COL23A1: variants seen among roughly 807,000 people sequenced by gnomAD.
The protein encoded by COL23A1 is collagen type XXIII alpha 1 chain.
Under a neutral mutation model 99.3 loss-of-function variants are expected in COL23A1, and 97 were observed. The observed-to-expected ratio is 0.98, with a 90% confidence interval of 0.83 to 1.16. The LOEUF (loss-of-function observed/expected upper bound fraction) is 1.16, where lower values mean the gene tolerates loss of function less well. Among genes scored for constraint, COL23A1 ranks in the 50% most tolerant of loss-of-function variants. The probability of loss-of-function intolerance (pLI) is 0.00; values close to 1 mark genes in which losing one functional copy is unlikely to be tolerated. For synonymous variants in COL23A1, 320 were observed against 308.2 expected, an observed-to-expected ratio of 1.04 and a Z score of -0.40; for missense variants, 762 against 757.4, an observed-to-expected ratio of 1.01 and a Z score of -0.07.
chr5:178,381,815 G>A (rs1763396169), intron 2 of COL23A1, among the ~76,000 whole-genome samples: 1 of 152,204 alleles, frequency 6.6e-6, no homozygotes, highest in African/African-American at 2.4e-5. Context: ...TTTAAATGCT[G>A]TGTAGAGATG....
At chr5:178,491,493 G>C (rs902300751) in intron 2 of COL23A1, among the ~76,000 whole-genome samples, 1 of 152,072 alleles carries the variant, frequency 6.6e-6, no homozygotes, top group Non-Finnish European at 1.5e-5. Flanking sequence ...TACAGACAAC[G>C]GCTAAACCCT....
chr5:178,547,112 G>GA (rs1761623153), intron 2 of COL23A1, among the ~76,000 whole-genome samples: 1 of 152,174 alleles, frequency 6.6e-6, no homozygotes, highest in South Asian at 2.1e-4. Flanking sequence ...AAAAGGTAGA[G>GA]AAGGCTTTTC....
chr5:178,251,925 T>TTTTTTTTTTTTTA (rs1554125608), intron 17 of COL23A1, among the ~76,000 whole-genome samples: 2 of 142,794 alleles, frequency 1.4e-5, no homozygotes, highest in Non-Finnish European at 1.5e-5. Context: ...TTTTTTTTTT[T>TTTTTTTTTTTTTA]ATTTTGAGAC....
rs534262576 is a variant in COL23A1 at position 178,389,804 on chromosome 5, T to C, written c.362-82885A>G. 9.2e-5 allele frequency among the ~76,000 whole-genome samples: 14 copies of C among 152,268 alleles called. 1 individual carries two copies. In the South Asian group the frequency reaches 2.1e-3, roughly 23 times the overall value. Reference sequence around the variant, plus strand: ...GGTGAGCCCAAGGTGGGTATGAATATACAAAGCTGACTGCTTGCGTGACGG... The same window carrying C: ...GGTGAGCCCAAGGTGGGTATGAATACACAAAGCTGACTGCTTGCGTGACGG... On this transcript the variant is annotated intron_variant, in intron 2 of 28. Transcript: ENST00000390654.
chr5:178,455,875 G>A (rs1767763295), intron 2 of COL23A1, among the ~76,000 whole-genome samples: 3 of 152,180 alleles, frequency 2.0e-5, no homozygotes, highest in Admixed American at 6.5e-5. Flanking sequence ...ATAGACCACC[G>A]AGATGGTTTA....
At chr5:178,273,842 CT>C (rs1203348602) in intron 5 of COL23A1, among the ~76,000 whole-genome samples, 1 of 152,242 alleles carries the variant, frequency 6.6e-6, no homozygotes, top group East Asian at 1.9e-4. Context: ...AACAGCCTGG[CT>C]TTGGAGTCAG....
intron 2 of COL23A1, among the ~76,000 whole-genome samples, chr5:178,555,217 A>G (rs776441434): frequency 4.6e-5 from 7 of 152,148 alleles, no homozygotes; most frequent in Non-Finnish European, 8.8e-5. Context: ...CTAAGGCCTC[A>G]TGTCACCTAC....
chr5:178,355,500 A>T (rs555086301), intron 2 of COL23A1, among the ~76,000 whole-genome samples: 1 of 152,086 alleles, frequency 6.6e-6, no homozygotes, highest in Non-Finnish European at 1.5e-5. Flanking sequence ...ATAAAGAACT[A>T]CCGAAGGCTG....
intron 2 of COL23A1, among the ~76,000 whole-genome samples, chr5:178,330,158 A>C (rs1002165828): frequency 3.3e-5 from 5 of 151,788 alleles, no homozygotes; most frequent in Non-Finnish European, 2.9e-5. Context: ...GGCCCCTGGG[A>C]CCCTGGGACT....
At chr5:178,476,595 G>C (rs940781449) in intron 2 of COL23A1, among the ~76,000 whole-genome samples, 8 of 152,234 alleles carry the variant, frequency 5.3e-5, no homozygotes, top group African/African-American at 1.4e-4. Flanking sequence ...CTGGGGGCAG[G>C]AATCTCGGGG....
intron 8 of COL23A1, among the ~76,000 whole-genome samples, chr5:178,266,202 G>A (rs1210564834): frequency 1.3e-5 from 2 of 151,898 alleles, no homozygotes; most frequent in East Asian, 3.9e-4. Context: ...CTCCACACCC[G>A]GCTAATTTTT....
intron 25 of COL23A1, among the ~76,000 whole-genome samples, chr5:178,243,790 T>C (rs1764534246): frequency 6.6e-6 from 1 of 152,198 alleles, no homozygotes; most frequent in Non-Finnish European, 1.5e-5. Flanking sequence ...GAACCAGGCC[T>C]CCTGGAAGGC....
At chr5:178,422,379 T>C (rs1765680366) in intron 2 of COL23A1, among the ~76,000 whole-genome samples, 1 of 152,186 alleles carries the variant, frequency 6.6e-6, no homozygotes, top group Non-Finnish European at 1.5e-5. Flanking sequence ...TTAGACACGA[T>C]GTCAGCCTTG....
chr5:178,331,827 T>C (rs1760040625), intron 2 of COL23A1, among the ~76,000 whole-genome samples: 1 of 152,030 alleles, frequency 6.6e-6, no homozygotes, highest in Non-Finnish European at 1.5e-5. Context: ...AGTTCCGAAA[T>C]AGTGACACAG....
intron 8 of COL23A1, among the ~76,000 whole-genome samples, chr5:178,263,803 C>T (rs892297387): frequency 3.3e-5 from 5 of 152,098 alleles, no homozygotes; most frequent in Admixed American, 6.6e-5. Context: ...GAAACTAATC[C>T]GAAAGTCCTT....
intron 2 of COL23A1, among the ~76,000 whole-genome samples, chr5:178,542,989 C>T (rs1286745587): frequency 6.6e-6 from 1 of 152,190 alleles, no homozygotes; most frequent in African/African-American, 2.4e-5. Flanking sequence ...ATACTGACAT[C>T]CTAGGGCATG....
intron 5 of COL23A1, among the ~76,000 whole-genome samples, chr5:178,276,129 T>C (rs1055767835): frequency 2.0e-5 from 3 of 151,832 alleles, no homozygotes; most frequent in African/African-American, 7.3e-5. Context: ...ATCCCTGGAG[T>C]GTCTTGATGC....
chr5:178,529,027 C>T (rs1418447206), intron 2 of COL23A1, among the ~76,000 whole-genome samples: 1 of 152,246 alleles, frequency 6.6e-6, no homozygotes, highest in East Asian at 1.9e-4. Context: ...GATTCTATGG[C>T]CTCGCAGGGC....
intron 12 of COL23A1, 95 bp downstream of exon 12, chr5:178,259,626 T>TG: frequency 2.1e-5 from 23 of 1,073,880 alleles, no homozygotes; most frequent in African/African-American, 3.2e-5. Context: ...GCCCATCCCG[T>TG]CCCCATCCCC....
Sources: allele counts gnomAD v4.1 joint callset (sites outside exome capture counted in the v4.1 genomes callset), GRCh38; gene constraint gnomAD v4.1.1; transcripts MANE v1.5; gene names NCBI Gene and HGNC (gene_info 2026-07-23, HGNC 2026-07-21).